The following ADTRP variants were observed in gnomAD, a reference collection of about 807,000 sequenced individuals.
The protein encoded by ADTRP is androgen dependent TFPI regulating protein.
Under a neutral mutation model 27.0 loss-of-function variants are expected in ADTRP, and 20 were observed. The observed-to-expected ratio is 0.74, with a 90% CI of 0.52 to 1.08. The LOEUF (loss-of-function observed/expected upper bound fraction) is 1.08, where lower values mean the gene tolerates loss of function less well. ADTRP is among the 50% of genes least tolerant of loss of function. The pLI, the probability that ADTRP is intolerant of heterozygous loss-of-function variation, is 0.00. For missense variants in ADTRP, 251 were observed against 275.0 expected (o/e 0.91, Z 0.62); for synonymous variants, 101 against 105.2 (o/e 0.96, Z 0.25).
chr6:11,765,319 G>GTTT (rs770169717), intron 3 of ADTRP, among the ~76,000 whole-genome samples: 3,640 of 111,858 alleles, frequency 0.033, 260 homozygotes, highest in Non-Finnish European at 0.043. Context: ...CTTTCCCCTG[G>GTTT]TTTGTTTTTT....
intron 5 of ADTRP, 79 bp downstream of exon 5, chr6:11,723,270 T>A: frequency 1.3e-6 from 2 of 1,542,520 alleles, no homozygotes; most frequent in African/African-American, 2.8e-5. Flanking sequence ...TGCGGCTAGT[T>A]TTTCTTTCTG....
intron 3 of ADTRP, among the ~76,000 whole-genome samples, chr6:11,749,318 C>T (rs573626909): frequency 8.3e-4 from 126 of 152,160 alleles, no homozygotes; most frequent in African/African-American, 2.9e-3. Context: ...TAATATAATA[C>T]AATATATTCA....
intron 3 of ADTRP, among the ~76,000 whole-genome samples, chr6:11,747,109 G>A (rs1762888973): frequency 6.6e-6 from 1 of 152,236 alleles, no homozygotes. Context: ...CTGGGGCATT[G>A]AGACAAATTC....
intron 3 of ADTRP, among the ~76,000 whole-genome samples, chr6:11,747,256 T>C (rs1443587015): frequency 6.6e-6 from 1 of 152,220 alleles, no homozygotes; most frequent in East Asian, 1.9e-4. Flanking sequence ...CCTAGTTGTG[T>C]TCAGAGGGAG....
chr6:11,748,895 G>A (rs1164284613), intron 3 of ADTRP, among the ~76,000 whole-genome samples: 1 of 152,184 alleles, frequency 6.6e-6, no homozygotes, highest in Non-Finnish European at 1.5e-5. Flanking sequence ...CATTAAGCAG[G>A]GCCCAGGTTT....
At chr6:11,764,546 T>C (rs1329667877) in intron 3 of ADTRP, among the ~76,000 whole-genome samples, 1 of 72,228 alleles carries the variant, frequency 1.4e-5, no homozygotes, top group Non-Finnish European at 4.6e-5. Context: ...TGAGGATTCT[T>C]TTTTTTTTTT....
At chr6:11,770,157 G>T in intron 1 of ADTRP, 1 of 1,388,546 alleles carries the variant, frequency 7.2e-7, no homozygotes, top group Non-Finnish European at 1.0e-6. Context: ...TGGGAGGTCA[G>T]AAGAGAGACA....
intron 3 of ADTRP, among the ~76,000 whole-genome samples, chr6:11,756,081 T>C: frequency 6.6e-6 from 1 of 152,224 alleles, no homozygotes; most frequent in East Asian, 1.9e-4. Flanking sequence ...TTTTAGAATG[T>C]AATGGTACAA....
At position 11,714,494 on chromosome 6, in the gene ADTRP, C is replaced by T. The variant is rs574370388; in HGVS notation, c.677G>A (p.Arg226Gln). The T allele has an allele frequency of 1.9e-5, 31 of 1,613,626 alleles. No individual in the cohort carries two copies. The Admixed American group carries it at 2.5e-4, about 13-fold the overall frequency. Residue 226 changes from arginine to glutamine, a missense_variant, in exon 6 of 6, where the codon CGG (arginine) becomes CAG (glutamine). Coordinates refer to ENST00000414691, the MANE Select transcript of ADTRP (RefSeq NM_032744.4). ...HWKWGDMRQP[R>Q]KKRK ...GGTGTGCAATTACTTCCTCTTCTTC[C>T]GTGGCTGCCTCATGTCACCTGTACA...
intron 3 of ADTRP, among the ~76,000 whole-genome samples, chr6:11,755,900 C>T (rs1057387562): frequency 2.0e-4 from 30 of 152,196 alleles, no homozygotes; most frequent in African/African-American, 6.5e-4. Flanking sequence ...TGAACAAGGG[C>T]CTTCCCCTTG....
chr6:11,771,375 A>G (rs1449484738), intron 1 of ADTRP, among the ~76,000 whole-genome samples: 1 of 152,166 alleles, frequency 6.6e-6, no homozygotes, highest in Non-Finnish European at 1.5e-5. Flanking sequence ...GGGAGGCACT[A>G]GGGAGCCGCC....
chr6:11,743,370 GATCT>G (rs775971676), intron 3 of ADTRP, among the ~76,000 whole-genome samples: 3 of 152,118 alleles, frequency 2.0e-5, no homozygotes, highest in Non-Finnish European at 2.9e-5. Context: ...AGGTCCCAGG[GATCT>G]ATCTTTCTTC....
At chr6:11,727,709 A>T (rs1385543970) in intron 4 of ADTRP, among the ~76,000 whole-genome samples, 1 of 152,164 alleles carries the variant, frequency 6.6e-6, no homozygotes, top group Non-Finnish European at 1.5e-5. Flanking sequence ...ACTTTCACAG[A>T]TAAAGTGTAA....
chr6:11,742,309 T>G (rs1400662743), intron 3 of ADTRP, among the ~76,000 whole-genome samples: 1 of 151,844 alleles, frequency 6.6e-6, no homozygotes, highest in African/African-American at 2.4e-5. Context: ...ATTCTTCCCT[T>G]TTTTCATTTT....
intron 3 of ADTRP, among the ~76,000 whole-genome samples, chr6:11,749,484 G>T (rs1486976051): frequency 6.6e-6 from 1 of 152,058 alleles, no homozygotes; most frequent in African/African-American, 2.4e-5. Flanking sequence ...AAAAGCCATG[G>T]GAATGAATGG....
intron 3 of ADTRP, among the ~76,000 whole-genome samples, chr6:11,748,934 T>C (rs1437497671): frequency 6.6e-6 from 1 of 151,946 alleles, no homozygotes. Context: ...TAGGAAGGAG[T>C]TCAGGTTTAT....
At chr6:11,758,559 G>A (rs868292326) in intron 3 of ADTRP, among the ~76,000 whole-genome samples, 4 of 115,322 alleles carry the variant, frequency 3.5e-5, no homozygotes, top group East Asian at 2.7e-4. Flanking sequence ...ATCACACACC[G>A]GGGACTGTTG....
intron 4 of ADTRP, among the ~76,000 whole-genome samples, chr6:11,734,430 T>A (rs991750715): frequency 6.6e-6 from 1 of 152,176 alleles, no homozygotes; most frequent in East Asian, 1.9e-4. Context: ...TTTGTTAAAA[T>A]GTAAAGGCTT....
At chr6:11,763,142 CACA>C (rs1763446454) in intron 3 of ADTRP, among the ~76,000 whole-genome samples, 1 of 152,190 alleles carries the variant, frequency 6.6e-6, no homozygotes, top group South Asian at 2.1e-4. Flanking sequence ...AGTCTGAATA[CACA>C]ACAAAGGCAG....
Sources: gnomAD v4.1 joint callset for allele counts (sites outside exome capture counted in the v4.1 genomes callset) on GRCh38, gnomAD v4.1.1 for gene constraint, MANE v1.5 for transcripts, NCBI Gene and HGNC (gene_info 2026-07-23, HGNC 2026-07-21) for gene names.